Variants in PAX5 observed in about 807,000 individuals in gnomAD.
PAX5 encodes the protein paired box protein Pax-5.
A neutral mutation model predicts 43.7 loss-of-function variants in PAX5; 9 were observed. That is an observed-to-expected ratio of 0.21 (90% CI 0.12 to 0.36). The LOEUF (loss-of-function observed/expected upper bound fraction) is 0.36. Among genes scored for constraint, PAX5 ranks in the 10% least tolerant of loss-of-function variants. PAX5 has a pLI of 1.00. For missense variants in PAX5, 383 were observed against 532.7 expected (o/e 0.72, Z 2.77); for synonymous variants, 228 against 214.3 (o/e 1.06, Z -0.56).
chr9:36,882,299 T>C lies in PAX5; in HGVS notation c.911-194A>G, dbSNP rs1246917866. Reference sequence around the variant, plus strand: ...ACACACACACACACACACACACTCATGCACACACATCTCCAGCCACCCTCG... The same window carrying C: ...ACACACACACACACACACACACTCACGCACACACATCTCCAGCCACCCTCG... On this transcript the variant is annotated intron_variant, in intron 7 of 9. Transcript: ENST00000358127. This position sits in a 1 kb window ranked among gnomAD's most constrained non-coding sequence, Gnocchi z 4.4. Among the ~76,000 whole-genome samples the C allele has an allele frequency of 6.9e-6, 1 of 145,364 alleles. No individual in the cohort carries two copies. Among genetic ancestry groups the C allele is most frequent in the East Asian group, 2.0e-4 (1 of 5,078 alleles).
intron 6 of PAX5, among the ~76,000 whole-genome samples, chr9:36,948,324 C>G (rs1832722682): frequency 6.6e-6 from 1 of 152,218 alleles, no homozygotes; most frequent in African/African-American, 2.4e-5. Flanking sequence ...CAGTCCATCC[C>G]TTCCTCCGAG....
intron 6 of PAX5, among the ~76,000 whole-genome samples, chr9:36,943,529 T>TTCACACACACAC (rs35815065): frequency 0.1 from 14,990 of 145,818 alleles, 1,263 homozygotes; most frequent in East Asian, 0.36. Flanking sequence ...TAGTTCAACA[T>TTCACACACACAC]ACACACACAC....
intron 7 of PAX5, among the ~76,000 whole-genome samples, chr9:36,887,681 C>T (rs1001731077): frequency 1.3e-5 from 2 of 152,070 alleles, no homozygotes; most frequent in African/African-American, 2.4e-5. Flanking sequence ...GTTAAAAGTA[C>T]AAAATTCTTA....
At chr9:37,010,772 C>A (rs1216757130) in intron 3 of PAX5, among the ~76,000 whole-genome samples, 1 of 152,152 alleles carries the variant, frequency 6.6e-6, no homozygotes, top group African/African-American at 2.4e-5. Context: ...GGGCCATCAG[C>A]TATGCCGAGA....
intron 5 of PAX5, among the ~76,000 whole-genome samples, chr9:36,998,473 C>G (rs1837579326): frequency 1.3e-5 from 2 of 152,100 alleles, no homozygotes; most frequent in South Asian, 4.1e-4. Context: ...AATTGTGAAC[C>G]CTCTAAAGGA....
At chr9:36,973,298 AC>A (rs1314577168) in intron 5 of PAX5, among the ~76,000 whole-genome samples, 1 of 152,058 alleles carries the variant, frequency 6.6e-6, no homozygotes, top group Admixed American at 6.6e-5. Flanking sequence ...GCTGCTTGTA[AC>A]CACAGGCCTC....
intron 6 of PAX5, among the ~76,000 whole-genome samples, chr9:36,952,746 A>G (rs4407980): frequency 0.72 from 110,158 of 152,016 alleles, 40,339 homozygotes; most frequent in South Asian, 0.84. Context: ...TGTACCTTCT[A>G]ATAGAATATT....
At chr9:36,939,519 C>A (rs1404981578) in intron 6 of PAX5, among the ~76,000 whole-genome samples, 1 of 152,196 alleles carries the variant, frequency 6.6e-6, no homozygotes, top group East Asian at 1.9e-4. Context: ...CTTGAATTTA[C>A]CTGTTTGTCT....
At chr9:36,970,518 T>G (rs1322283963) in intron 5 of PAX5, among the ~76,000 whole-genome samples, 2 of 152,122 alleles carry the variant, frequency 1.3e-5, no homozygotes, top group African/African-American at 4.8e-5. Flanking sequence ...CATTTCTCAG[T>G]CCCAGGGCCC....
intron 7 of PAX5, among the ~76,000 whole-genome samples, chr9:36,915,410 T>C (rs10814476): frequency 0.25 from 37,886 of 152,220 alleles, 5,455 homozygotes; most frequent in East Asian, 0.51. Flanking sequence ...AAGTGTCTCA[T>C]GATTGTTTTA....
chr9:36,913,986 C>A (rs1485315695), intron 7 of PAX5, among the ~76,000 whole-genome samples: 1 of 152,214 alleles, frequency 6.6e-6, no homozygotes, highest in Non-Finnish European at 1.5e-5. Flanking sequence ...CACCCCCCAA[C>A]AGCTCCTGGG....
chr9:36,919,974 A>G (rs753588508), intron 7 of PAX5, among the ~76,000 whole-genome samples: 1 of 152,070 alleles, frequency 6.6e-6, no homozygotes, highest in Non-Finnish European at 1.5e-5. Flanking sequence ...AAAATGACTC[A>G]CTTCAGTGGA....
chr9:36,962,493 G>A (rs147435570), intron 6 of PAX5, among the ~76,000 whole-genome samples: 47 of 152,356 alleles, frequency 3.1e-4, no homozygotes, highest in African/African-American at 1.1e-3. Context: ...TGCCTCGGGG[G>A]TCCAATGAGA....
intron 6 of PAX5, among the ~76,000 whole-genome samples, chr9:36,952,054 A>G (rs1266147308): frequency 6.6e-6 from 1 of 152,156 alleles, no homozygotes; most frequent in Non-Finnish European, 1.5e-5. Context: ...AAAACTATGA[A>G]TTACTTTTAC....
At position 36,837,194 on chromosome 9, in the gene PAX5, C is replaced by G. The variant is rs886276586; in HGVS notation, c.*3366G>C. ...GGAGATCTGAGAATTCACTTCGCCT[C>G]TATGTTGCCGTGAGAGCCCCAAATG... On this transcript the variant is annotated 3_prime_UTR_variant, in exon 10 of 10. Transcript: ENST00000358127. 4.3e-6 allele frequency: 1 copy of G among 232,984 alleles called. No homozygotes were observed. Among genetic ancestry groups the G allele is most frequent in the Non-Finnish European group, 8.5e-6 (1 of 117,980 alleles). 14.4% of individuals were successfully genotyped at this position (232,984 alleles called of 1,614,324 possible). A position where few individuals can be genotyped will look rare whatever the true frequency, so the allele number is the denominator to read the frequency against.
rs376375916 is a variant in PAX5, at chr9:36,923,398, G to A, written c.867C>T (p.Ile289=). 17 of 1,613,168 alleles carry A rather than the reference G, an allele frequency of 1.1e-5. No homozygotes were observed. The highest frequency in any genetic ancestry group is 8.0e-5 in the African/African-American group (6 of 74,912). Residue 289 remains isoleucine (I), a synonymous_variant, in exon 7 of 10, where the codon ATC becomes ATT. Coordinates refer to ENST00000358127, the MANE Select transcript of PAX5 (RefSeq NM_016734.3). ...ACTGCGGGCCTGGCACACTGCTCCC[G>A]ATGTCAGCAGGGGTGGGGCTGGCCA... The part of the protein sequence containing the change: ...ANLASPTPAD[I]GSSVPGPQSY...
chr9:36,890,880 T>C (rs538918630), intron 7 of PAX5, among the ~76,000 whole-genome samples: 4 of 152,304 alleles, frequency 2.6e-5, no homozygotes, highest in African/African-American at 7.2e-5. Context: ...GGCTCACACT[T>C]GTAATCCCAG....
In PAX5 at chr9:36,912,305, C is replaced by T. The variant is rs150902309; in HGVS notation, c.910+11050G>A. Among the ~76,000 whole-genome samples, 846 of 152,350 alleles carry T rather than the reference C, an allele frequency of 5.6e-3. 3 individuals are homozygous for T. The highest frequency in any genetic ancestry group is 0.011 in the South Asian group (55 of 4,828). ...ACTGTGCTAAGCACTCTGCAAGGTC[C>T]GCTCATATAATCCTTGCCAGAAGCT... is the stretch of plus-strand genomic sequence containing the variant. On this transcript the variant is annotated intron_variant, in intron 7 of 9. Coordinates refer to ENST00000358127, the MANE Select transcript of PAX5 (RefSeq NM_016734.3).
At chr9:36,964,249 C>T (rs747071649) in intron 6 of PAX5, among the ~76,000 whole-genome samples, 103 of 151,402 alleles carry the variant, frequency 6.8e-4, no homozygotes, top group Admixed American at 2.9e-3. Flanking sequence ...CCACTGCACT[C>T]CAGCCTGGGC....
Sources: allele counts gnomAD v4.1 joint callset (sites outside exome capture counted in the v4.1 genomes callset), GRCh38; gene constraint gnomAD v4.1.1; non-coding constraint Gnocchi (gnomAD v3.1); transcripts MANE v1.5; gene names NCBI Gene and HGNC (gene_info 2026-07-23, HGNC 2026-07-21).